ITSN2: variants seen among roughly 807,000 people sequenced by gnomAD.
The protein encoded by ITSN2 is intersectin-2.
ITSN2 carries 156 observed loss-of-function variants against 243.7 expected under a neutral mutation model. That is an observed-to-expected ratio of 0.64 (90% CI 0.56 to 0.73). The LOEUF is 0.73. ITSN2 is among the 30% of genes least tolerant of loss of function. The pLI, the probability that ITSN2 is intolerant of heterozygous loss-of-function variation, is 0.00. For missense variants in ITSN2, 1,801 were observed against 1,996.1 expected (o/e 0.90, Z 1.86); for synonymous variants, 703 against 699.9 (o/e 1.00, Z -0.07).
At chr2:24,226,747 G>C (rs896236786) in intron 29 of ITSN2, among the ~76,000 whole-genome samples, 1 of 151,996 alleles carries the variant, frequency 6.6e-6, no homozygotes. Flanking sequence ...GTTTTTCTTG[G>C]TGCTCACTTG....
At chr2:24,219,567 G>A (rs566842019) in intron 30 of ITSN2, among the ~76,000 whole-genome samples, 2 of 152,300 alleles carry the variant, frequency 1.3e-5, no homozygotes, top group Admixed American at 6.5e-5. Flanking sequence ...GGCTTGGTGA[G>A]GTAAGCAGAT....
chr2:24,305,358 T>G (rs1334810452), intron 8 of ITSN2, among the ~76,000 whole-genome samples: 3 of 151,936 alleles, frequency 2.0e-5, no homozygotes, highest in African/African-American at 7.3e-5. Flanking sequence ...TCCCAGAACT[T>G]TGGGAGACCA....
At chr2:24,245,328 T>A (rs4665676) in intron 29 of ITSN2, among the ~76,000 whole-genome samples, 1 of 152,224 alleles carries the variant, frequency 6.6e-6, no homozygotes, top group South Asian at 2.1e-4. Flanking sequence ...TGACAAGAAT[T>A]TTGCAACAGT....
chr2:24,268,599 A>G (rs1366656046), intron 20 of ITSN2, among the ~76,000 whole-genome samples: 2 of 152,330 alleles, frequency 1.3e-5, no homozygotes, highest in East Asian at 1.9e-4. Flanking sequence ...TTTGAGCTGT[A>G]TACTTATGGT....
chr2:24,307,548 C>T (rs890195605), intron 8 of ITSN2, among the ~76,000 whole-genome samples: 4 of 152,202 alleles, frequency 2.6e-5, no homozygotes, highest in Non-Finnish European at 4.4e-5. Flanking sequence ...TGAATCTATC[C>T]GTGTTCCTTG....
chr2:24,326,676 T>C (rs1332532811), intron 2 of ITSN2: 42 of 169,054 alleles, frequency 2.5e-4, no homozygotes, highest in Non-Finnish European at 1.0e-4. Context: ...CCTTAAATAA[T>C]AGGTTCTGAA....
chr2:24,226,835 T>G (rs555649997), intron 29 of ITSN2, among the ~76,000 whole-genome samples: 13 of 152,350 alleles, frequency 8.5e-5, no homozygotes, highest in African/African-American at 3.1e-4. Flanking sequence ...ACATTTAACA[T>G]TATTTTCAGA....
chr2:24,209,752 A>G (rs1669285232), intron 35 of ITSN2, 66 bp downstream of exon 35: 1 of 1,273,478 alleles, frequency 7.9e-7, no homozygotes, highest in Non-Finnish European at 1.1e-6. Flanking sequence ...TCTGCCAGGA[A>G]GGCCTTAAGA....
intron 22 of ITSN2, among the ~76,000 whole-genome samples, chr2:24,260,477 AC>A (rs1206213779): frequency 6.6e-6 from 1 of 151,710 alleles, no homozygotes; most frequent in Admixed American, 6.6e-5. Flanking sequence ...AAAAAAAAAA[AC>A]CGTCAAGCCC....
intron 1 of ITSN2, among the ~76,000 whole-genome samples, chr2:24,328,344 T>C (rs1368752933): frequency 2.0e-5 from 3 of 152,102 alleles, no homozygotes; most frequent in African/African-American, 7.2e-5. Flanking sequence ...ACATATTTAA[T>C]AGTAGATACT....
Position 24,286,283 on chromosome 2 carries a change from GTTCT to G in ITSN2, c.1788_1791del (p.Lys596AsnfsTer3). The G allele has an allele frequency of 6.2e-7, 1 of 1,603,888 alleles. No individual in the cohort carries two copies. Among genetic ancestry groups the G allele is most frequent in the South Asian group, 1.1e-5 (1 of 90,790 alleles). ...GTTTCTTTTTCAAGAGCATCTAACTGTTCTTTAAGTCTTTGGCATAATTCTTCCT... is the reference window on the plus strand; with the variant it reads ...GTTTCTTTTTCAAGAGCATCTAACTGTTAAGTCTTTGGCATAATTCTTCCT... On this transcript the variant is annotated frameshift_variant, in exon 16 of 40. Coordinates refer to ENST00000355123, the MANE Select transcript of ITSN2 (RefSeq NM_006277.3). LOFTEE classifies it high-confidence loss of function.
chr2:24,282,075 C>G (rs972459202), intron 17 of ITSN2, among the ~76,000 whole-genome samples: 1 of 152,252 alleles, frequency 6.6e-6, no homozygotes, highest in Non-Finnish European at 1.5e-5. Flanking sequence ...TAGGTGAGGA[C>G]AGGCACTCCT....
chr2:24,222,767 CT>C (rs1670606899), intron 29 of ITSN2, among the ~76,000 whole-genome samples: 1 of 138,862 alleles, frequency 7.2e-6, no homozygotes, highest in African/African-American at 2.7e-5. Flanking sequence ...CCTCTGCCTT[CT>C]GGGTGCAAGT....
At position 24,254,413 on chromosome 2, in the gene ITSN2, T is replaced by G. The variant is rs1674754374; in HGVS notation, c.2907A>C (p.Ala969=). ...VKREEPEALY[A]AVNKKPTSAA... ...CCGAGGTAGGTTTCTTATTTACAGC[T>G]GCATACAAAGCTTCTGGTCTACCAA... is the stretch of plus-strand genomic sequence containing the variant. The change falls in exon 24 of 40, where the codon GCA becomes GCC. Residue 969 remains alanine, a synonymous_variant. Transcript: ENST00000355123. 2 of 1,611,902 alleles carry G rather than the reference T, an allele frequency of 1.2e-6. No individual in the cohort carries two copies. The highest frequency in any genetic ancestry group is 1.7e-6 in the Non-Finnish European group (2 of 1,178,450).
chr2:24,297,432 G>C (rs1271778148), intron 13 of ITSN2, among the ~76,000 whole-genome samples: 2 of 152,120 alleles, frequency 1.3e-5, no homozygotes, highest in African/African-American at 2.4e-5. Context: ...ACATCTGATT[G>C]GTAAAAACTG....
At chr2:24,220,513 C>G in intron 30 of ITSN2, 1 of 1,004,464 alleles carries the variant, frequency 1.0e-6, no homozygotes, top group South Asian at 4.6e-5. Context: ...TGAACACTTT[C>G]ACTGTTTCAC....
At chr2:24,218,816 A>T (rs1231589947) in intron 30 of ITSN2, among the ~76,000 whole-genome samples, 1 of 152,212 alleles carries the variant, frequency 6.6e-6, no homozygotes, top group Non-Finnish European at 1.5e-5. Context: ...TTCCTAGGGA[A>T]TGACTTTAAA....
chr2:24,258,800 C>T (rs937860402), intron 22 of ITSN2, among the ~76,000 whole-genome samples: 12 of 152,178 alleles, frequency 7.9e-5, no homozygotes, highest in African/African-American at 2.7e-4. Context: ...TACTGAACCT[C>T]TTCCAGACAA....
At chr2:24,326,132 G>A (rs148274533) in intron 2 of ITSN2, among the ~76,000 whole-genome samples, 139 of 152,120 alleles carry the variant, frequency 9.1e-4, no homozygotes, top group African/African-American at 3.3e-3. Context: ...CTAAGTTATC[G>A]TCAATCTTCT....
Sources: gnomAD v4.1 joint callset for allele counts (sites outside exome capture counted in the v4.1 genomes callset) on GRCh38, gnomAD v4.1.1 for gene constraint, MANE v1.5 for transcripts, NCBI Gene and HGNC (gene_info 2026-07-23, HGNC 2026-07-21) for gene names.